The following TAF12 variants were observed in gnomAD, a reference collection of about 807,000 sequenced individuals.
TAF12 encodes the protein TATA-box binding protein associated factor 12.
TAF12 carries 3 observed loss-of-function variants against 20.8 expected under a neutral mutation model. The ratio of observed to expected loss-of-function variants is 0.14; its 90% CI spans 0.07 to 0.37. The LOEUF (loss-of-function observed/expected upper bound fraction) is 0.37, where lower values mean the gene tolerates loss of function less well. Among genes scored for constraint, TAF12 ranks in the 10% least tolerant of loss-of-function variants. The pLI is 1.00. For synonymous variants in TAF12, 69 were observed against 70.2 expected (o/e 0.98, Z 0.09); for missense variants, 131 against 197.9 (o/e 0.66, Z 2.03).
chr1:28,632,165 C>T (rs1667652102), intron 1 of TAF12, among the ~76,000 whole-genome samples: 1 of 152,152 alleles, frequency 6.6e-6, no homozygotes, highest in Non-Finnish European at 1.5e-5. Context: ...AGGCCAGGTA[C>T]AGTGGCTCAC....
chr1:28,605,567 T>C, intron 4 of TAF12, 107 bp from the exon 5 acceptor site: 1 of 993,780 alleles, frequency 1.0e-6, no homozygotes, highest in Non-Finnish European at 1.5e-6. Flanking sequence ...ATCTGGCTAC[T>C]AACTCCACAA....
Position 28,622,061 on chromosome 1 carries a change from T to G in TAF12, c.21A>C (p.Ser7=). The change falls in exon 2 of 6, where the codon TCA becomes TCC. Residue 7 remains serine (S), a synonymous_variant. Coordinates refer to ENST00000373824, the MANE Select transcript of TAF12 (RefSeq NM_005644.4). Reference sequence around the variant, plus strand: ...AGAAATTGGAGAGGTTGATTAGGGCTGAGGGGCCAAACTGGTTCATAATCT... The same window carrying G: ...AGAAATTGGAGAGGTTGATTAGGGCGGAGGGGCCAAACTGGTTCATAATCT... The part of the protein sequence containing the change: MNQFGP[S]ALINLSNFSS... 1 of 1,613,450 alleles carries G rather than the reference T, an allele frequency of 6.2e-7. No individual in the cohort carries two copies. Among genetic ancestry groups the G allele is most frequent in the Non-Finnish European group, 8.5e-7 (1 of 1,179,916 alleles).
At chr1:28,621,026 T>C (rs1480368541) in intron 2 of TAF12, among the ~76,000 whole-genome samples, 2 of 152,214 alleles carry the variant, frequency 1.3e-5, no homozygotes, top group African/African-American at 2.4e-5. Flanking sequence ...ATTTTTATTA[T>C]GTTACTTTTA....
chr1:28,625,943 G>A (rs145667939), intron 1 of TAF12, among the ~76,000 whole-genome samples: 144 of 151,516 alleles, frequency 9.5e-4, no homozygotes, highest in African/African-American at 3.4e-3. Context: ...GCCTACCAGA[G>A]TGCTGGAATT....
chr1:28,625,424 G>A (rs72663815), intron 1 of TAF12, among the ~76,000 whole-genome samples: 6,260 of 152,080 alleles, frequency 0.041, 159 homozygotes, highest in Middle Eastern at 0.085. Flanking sequence ...AGGCTAGAGT[G>A]TAGTGGTGTA....
intron 1 of TAF12, among the ~76,000 whole-genome samples, chr1:28,633,259 C>T (rs1297821356): frequency 2.6e-5 from 4 of 150,960 alleles, no homozygotes; most frequent in East Asian, 2.0e-4. Context: ...CTCTGCCTCC[C>T]GGGTTCAAGC....
At chr1:28,621,750 C>G (rs1447190047) in intron 2 of TAF12, among the ~76,000 whole-genome samples, 164 bp downstream of exon 2, 4 of 152,128 alleles carry the variant, frequency 2.6e-5, no homozygotes, top group African/African-American at 9.7e-5. Context: ...AAACTCTCTA[C>G]TTATATTAAA....
intron 5 of TAF12, 101 bp from the exon 6 acceptor site, chr1:28,603,675 G>A (rs1462514435): frequency 8.0e-7 from 1 of 1,245,834 alleles, no homozygotes; most frequent in Non-Finnish European, 1.2e-6. Context: ...CTACACTGTA[G>A]GCCGCAGCCC....
chr1:28,644,100 G>T (rs1668125765), upstream of TAF12, among the ~76,000 whole-genome samples: 1 of 151,856 alleles, frequency 6.6e-6, no homozygotes, highest in Non-Finnish European at 1.5e-5. Flanking sequence ...ATGCTGGAAT[G>T]TTAGGCATGC....
intron 1 of TAF12, among the ~76,000 whole-genome samples, chr1:28,632,328 C>T (rs1187116288): frequency 1.4e-4 from 21 of 151,972 alleles, no homozygotes; most frequent in Non-Finnish European, 2.9e-5. Context: ...CCCAGCTACT[C>T]GGGAGGCTGA....
upstream of TAF12, among the ~76,000 whole-genome samples, chr1:28,647,639 T>C (rs903708111): frequency 2.0e-5 from 3 of 152,168 alleles, no homozygotes; most frequent in African/African-American, 4.8e-5. Context: ...TCTGGGAGGC[T>C]GAGGCGGGCG....
At chr1:28,604,634 G>C (rs937654587) in intron 5 of TAF12, among the ~76,000 whole-genome samples, 1 of 152,144 alleles carries the variant, frequency 6.6e-6, no homozygotes, top group Admixed American at 6.5e-5. Flanking sequence ...GGCTTGCTTC[G>C]TGAGCTTTAC....
chr1:28,612,249 A>C (rs191717518), intron 4 of TAF12, among the ~76,000 whole-genome samples: 210 of 152,096 alleles, frequency 1.4e-3, no homozygotes, highest in African/African-American at 4.8e-3. Flanking sequence ...CAGGAGTACA[A>C]GACCAGGCTG....
intron 2 of TAF12, among the ~76,000 whole-genome samples, chr1:28,620,145 T>A (rs1283265642): frequency 6.6e-6 from 1 of 151,934 alleles, no homozygotes; most frequent in African/African-American, 2.4e-5. Context: ...AAATTTTTTT[T>A]TTTTTTGAGA....
At chr1:28,644,809 T>C (rs1418148894), upstream of TAF12, among the ~76,000 whole-genome samples, 1 of 152,206 alleles carries the variant, frequency 6.6e-6, no homozygotes, top group African/African-American at 2.4e-5. Context: ...AGGGGTTTGT[T>C]ATAGTCTGGA....
At chr1:28,627,232 AT>A (rs1179225795) in intron 1 of TAF12, among the ~76,000 whole-genome samples, 1 of 151,736 alleles carries the variant, frequency 6.6e-6, no homozygotes, top group Non-Finnish European at 1.5e-5. Context: ...TACTAAAAAT[AT>A]AAAAATTAGC....
intron 2 of TAF12, among the ~76,000 whole-genome samples, chr1:28,620,921 G>A (rs1667201613): frequency 6.6e-6 from 1 of 151,938 alleles, no homozygotes; most frequent in African/African-American, 2.4e-5. Context: ...TTGATTTATT[G>A]CAAAAATCTT....
intron 1 of TAF12, among the ~76,000 whole-genome samples, chr1:28,639,331 G>T (rs997670840): frequency 6.6e-6 from 1 of 150,744 alleles, no homozygotes; most frequent in Non-Finnish European, 1.5e-5. Flanking sequence ...CAGGAGAATC[G>T]CTTGAACCCG....
intron 1 of TAF12, among the ~76,000 whole-genome samples, chr1:28,624,762 T>A (rs1024097298): frequency 2.0e-5 from 3 of 150,870 alleles, no homozygotes; most frequent in African/African-American, 7.3e-5. Flanking sequence ...AAAATAAAAA[T>A]AAAAAAATAA....
Sources: allele counts gnomAD v4.1 joint callset (sites outside exome capture counted in the v4.1 genomes callset), GRCh38; gene constraint gnomAD v4.1.1; transcripts MANE v1.5; gene names NCBI Gene and HGNC (gene_info 2026-07-23, HGNC 2026-07-21).